Variants in SYTL5 observed in about 807,000 individuals in gnomAD.
SYTL5 encodes synaptotagmin like 5, also known as synaptotagmin-like protein 5.
SYTL5 carries 34 observed loss-of-function variants against 55.9 expected under a neutral mutation model. That is an observed-to-expected ratio of 0.61 (90% confidence interval 0.46 to 0.81). The LOEUF (loss-of-function observed/expected upper bound fraction) is 0.81, where lower values mean the gene tolerates loss of function less well. SYTL5 is among the 30% of genes least tolerant of loss of function. The pLI is 0.00. For missense variants in SYTL5, 637 were observed against 546.7 expected (o/e 1.17, Z -1.65); for synonymous variants, 221 against 188.7 (o/e 1.17, Z -1.40).
rs1158543628 is a variant in SYTL5, at chrX:38,111,390, G to C, written c.1596+908G>C. Among the ~76,000 whole-genome samples the C allele has an allele frequency of 2.7e-5, 3 of 111,736 alleles. No individual in the cohort carries two copies. In the East Asian group the frequency reaches 8.4e-4, roughly 31 times the overall value. On this transcript the variant is annotated intron_variant, in intron 13 of 16. Coordinates refer to ENST00000297875, the MANE Select transcript of SYTL5 (RefSeq NM_138780.3). ...ACGCATGGCCGTCAGCATTTTATTG[G>C]GAACATTGTAAGCTCTCAATAAGTG...
At chrX:37,956,136 A>G in the SYTL5 span, among the ~76,000 whole-genome samples, 1 of 112,262 alleles carries the variant, frequency 8.9e-6, no homozygotes, top group Non-Finnish European at 1.9e-5. Context: ...TTGTGGCCAG[A>G]GATTTTAGAA....
At chrX:37,929,910 A>G in the SYTL5 span, among the ~76,000 whole-genome samples, 1 of 112,411 alleles carries the variant, frequency 8.9e-6, no homozygotes, top group South Asian at 3.7e-4. Context: ...CAGGCTGCAC[A>G]GAGGTTAACT....
At chrX:37,940,407 G>A in the SYTL5 span, among the ~76,000 whole-genome samples, 1 of 106,438 alleles carries the variant, frequency 9.4e-6, no homozygotes, top group Non-Finnish European at 1.9e-5. Flanking sequence ...GGTTCCCATG[G>A]GAGACGGAAC....
chrX:37,978,777 A>C, the SYTL5 span, among the ~76,000 whole-genome samples: 1 of 111,244 alleles, frequency 9.0e-6, no homozygotes, highest in South Asian at 3.8e-4. Context: ...GAAAACTGAG[A>C]AAAAGCTTCA....
chrX:37,986,697 C>T, the SYTL5 span, among the ~76,000 whole-genome samples: 1 of 111,515 alleles, frequency 9.0e-6, no homozygotes, highest in African/African-American at 3.3e-5. Flanking sequence ...TCTCACTACC[C>T]ATGTCTTCTT....
the SYTL5 span, among the ~76,000 whole-genome samples, chrX:37,914,046 A>C: frequency 8.9e-6 from 1 of 112,205 alleles, no homozygotes; most frequent in Non-Finnish European, 1.9e-5. Flanking sequence ...TTTGGTGTAC[A>C]AAGATGAAAA....
chrX:37,994,227 A>G, the SYTL5 span: 1 of 112,248 alleles, frequency 8.9e-6, no homozygotes, highest in Non-Finnish European at 1.9e-5. Flanking sequence ...CTCCCTGACC[A>G]ATGAGGGGCT....
chrX:38,117,782 G>A (rs1260526207), intron 13 of SYTL5, among the ~76,000 whole-genome samples: 2 of 111,730 alleles, frequency 1.8e-5, no homozygotes, highest in Admixed American at 1.9e-4. Context: ...ACCTACATGC[G>A]GCTTCTCTCT....
rs1481826137 is a variant in SYTL5 at position 38,006,657 on chromosome X, C to T, written c.-368C>T. 1 of 111,390 alleles carries T rather than the reference C, an allele frequency of 9.0e-6. No individual in the cohort carries two copies. The highest frequency in any genetic ancestry group is 1.9e-5 in the Non-Finnish European group (1 of 52,894). 9.2% of individuals were successfully genotyped at this position (111,390 alleles called of 1,213,427 possible). A position where few individuals can be genotyped will look rare whatever the true frequency, so the allele number is the denominator to read the frequency against. On this transcript the variant is annotated 5_prime_UTR_variant, in exon 1 of 17. Coordinates refer to ENST00000297875, the MANE Select transcript of SYTL5 (RefSeq NM_138780.3). ...AATAAGCCCATAAAAACATTCTAAC[C>T]TTCAGATTAAGGTAAGACTAATGCG...
At chrX:38,074,645 C>A (rs1936342861) in intron 5 of SYTL5, among the ~76,000 whole-genome samples, 1 of 111,722 alleles carries the variant, frequency 9.0e-6, no homozygotes, top group South Asian at 3.8e-4. Context: ...TCTGGCTGTA[C>A]AAAATGTCTA....
chrX:37,914,614 G>A, the SYTL5 span, among the ~76,000 whole-genome samples: 1 of 111,989 alleles, frequency 8.9e-6, no homozygotes, highest in Admixed American at 9.5e-5. Context: ...GGAGCAGATA[G>A]TAGAGGTACG....
the SYTL5 span, among the ~76,000 whole-genome samples, chrX:37,923,952 T>C: frequency 1.1e-4 from 12 of 111,431 alleles, no homozygotes; most frequent in African/African-American, 3.9e-4. Context: ...TTTATTTCAT[T>C]CAGTTAAGTA....
At chrX:37,981,359 G>A in the SYTL5 span, among the ~76,000 whole-genome samples, 11 of 111,303 alleles carry the variant, frequency 9.9e-5, no homozygotes, top group Middle Eastern at 4.6e-3. Flanking sequence ...GCAGTGGCGC[G>A]ATCACAGCTT....
At chrX:37,987,388 CTAAAGTTTA>C in the SYTL5 span, among the ~76,000 whole-genome samples, 6 of 111,920 alleles carry the variant, frequency 5.4e-5, no homozygotes, top group South Asian at 7.4e-4. Context: ...GTCAATAGTG[CTAAAGTTTA>C]TAAACTCTGC....
chrX:38,124,511 A>G (rs1390144542), intron 15 of SYTL5, among the ~76,000 whole-genome samples: 2 of 112,216 alleles, frequency 1.8e-5, no homozygotes, highest in African/African-American at 6.5e-5. Flanking sequence ...GGGGGAAAAC[A>G]GCCATTTTTA....
chrX:38,005,839 CTAAAAGGGACCTGGCTATGGTAACA>C (rs1183799343), upstream of SYTL5, among the ~76,000 whole-genome samples: 4 of 111,714 alleles, frequency 3.6e-5, no homozygotes, highest in Non-Finnish European at 7.6e-5. Context: ...CCCACTGTAG[CTAAAAGGGACCTGGCTATGGTAACA>C]TAAATGGGTA....
intron 2 of SYTL5, among the ~76,000 whole-genome samples, chrX:38,046,384 G>A (rs1935460316): frequency 9.0e-6 from 1 of 111,601 alleles, no homozygotes; most frequent in Non-Finnish European, 1.9e-5. Flanking sequence ...GAAGGTGAGA[G>A]GCACGTCTCA....
At chrX:37,935,787 A>G in the SYTL5 span, among the ~76,000 whole-genome samples, 4 of 112,760 alleles carry the variant, frequency 3.5e-5, 1 homozygote, top group East Asian at 1.1e-3. Context: ...GGTACACCAG[A>G]AAGTATCTTT....
chrX:38,019,744 G>A (rs1390670363), intron 1 of SYTL5, among the ~76,000 whole-genome samples: 5 of 110,939 alleles, frequency 4.5e-5, no homozygotes, highest in Admixed American at 1.9e-4. Context: ...GCCTCAGCCC[G>A]GGTGCCTCAG....
Sources: allele counts gnomAD v4.1 joint callset (sites outside exome capture counted in the v4.1 genomes callset), GRCh38; gene constraint gnomAD v4.1.1; transcripts MANE v1.5; gene names NCBI Gene and HGNC (gene_info 2026-07-23, HGNC 2026-07-21).